CAMKMT: variants seen among roughly 807,000 people sequenced by gnomAD.
CAMKMT encodes CaM KMT.
In CAMKMT, 53 loss-of-function variants were observed where a neutral mutation model predicts 48.0. The ratio of observed to expected loss-of-function variants is 1.10; its 90% CI spans 0.89 to 1.39. The LOEUF (loss-of-function observed/expected upper bound fraction) is 1.39. Ranked by LOEUF, CAMKMT falls within the 40% of genes most tolerant of loss-of-function variation. CAMKMT has a pLI of 0.00. For missense variants in CAMKMT, 428 were observed against 402.7 expected, an observed-to-expected ratio of 1.06 and a Z score of -0.54; for synonymous variants, 165 against 152.3, an observed-to-expected ratio of 1.08 and a Z score of -0.61.
intron 5 of CAMKMT, among the ~76,000 whole-genome samples, chr2:44,706,819 A>C (rs564633608): frequency 6.6e-6 from 1 of 152,182 alleles, no homozygotes; most frequent in African/African-American, 2.4e-5. Flanking sequence ...CTGGGTTCTG[A>C]GTCATGTATT....
At position 44,657,822 on chromosome 2, in the gene CAMKMT, G is replaced by A. The variant is rs1426980861; in HGVS notation, c.377-46461G>A. ...CTAACCAAAGAAGGAAAATGAGATT[G>A]TACCCCTTTAGAGCTGGAGTCCAAA... On this transcript the variant is annotated intron_variant, in intron 3 of 10. Coordinates refer to ENST00000378494, the MANE Select transcript of CAMKMT (RefSeq NM_024766.5). This position sits in a 1 kb window ranked among gnomAD's most constrained non-coding sequence, Gnocchi z 4.3. 6.6e-6 allele frequency among the ~76,000 whole-genome samples: 1 copy of A among 152,148 alleles called. No individual in the cohort carries two copies. The highest frequency in any genetic ancestry group is 1.5e-5 in the Non-Finnish European group (1 of 68,016).
intron 3 of CAMKMT, among the ~76,000 whole-genome samples, chr2:44,451,730 T>G (rs535091545): frequency 4.6e-5 from 7 of 152,074 alleles, no homozygotes; most frequent in Non-Finnish European, 8.8e-5. Flanking sequence ...TGGCTAGATA[T>G]GTGATAAAAC....
chr2:44,671,995 C>T (rs1043635708), intron 3 of CAMKMT, among the ~76,000 whole-genome samples: 2 of 152,020 alleles, frequency 1.3e-5, no homozygotes, highest in African/African-American at 4.8e-5. Context: ...AACTGTAATG[C>T]GATTATAGAA....
At chr2:44,532,205 C>T (rs1666523970) in intron 3 of CAMKMT, among the ~76,000 whole-genome samples, 1 of 152,080 alleles carries the variant, frequency 6.6e-6, no homozygotes, top group African/African-American at 2.4e-5. Context: ...TTTAAAGTGT[C>T]AACAAAAATG....
intron 3 of CAMKMT, among the ~76,000 whole-genome samples, chr2:44,678,632 T>C (rs1477171725): frequency 1.3e-5 from 2 of 152,226 alleles, no homozygotes; most frequent in Non-Finnish European, 2.9e-5. Context: ...AAACGGACAA[T>C]ACTACTCAAT....
chr2:44,373,712 A>G (rs533537087), intron 2 of CAMKMT, among the ~76,000 whole-genome samples: 2 of 152,336 alleles, frequency 1.3e-5, no homozygotes, highest in Admixed American at 1.3e-4. Flanking sequence ...TTCTCGAGCT[A>G]TTTTAGTTTA....
intron 2 of CAMKMT, among the ~76,000 whole-genome samples, chr2:44,374,052 A>C (rs1679436404): frequency 7.8e-6 from 1 of 128,922 alleles, no homozygotes; most frequent in Admixed American, 9.4e-5. Context: ...TGAGCCCGGG[A>C]GGTTGAGGCT....
chr2:44,699,236 C>G (rs1449111995), intron 3 of CAMKMT, among the ~76,000 whole-genome samples: 1 of 152,190 alleles, frequency 6.6e-6, no homozygotes, highest in East Asian at 1.9e-4. Flanking sequence ...TGCTCAGATG[C>G]ATCAGAAGAA....
At chr2:44,521,836 T>C (rs1166052505) in intron 3 of CAMKMT, among the ~76,000 whole-genome samples, 2 of 147,722 alleles carry the variant, frequency 1.4e-5, no homozygotes, top group Admixed American at 6.9e-5. Context: ...GCCTGGGCAA[T>C]AGAGCAAGAT....
chr2:44,437,943 A>C (rs1666381264), intron 3 of CAMKMT, among the ~76,000 whole-genome samples: 1 of 151,972 alleles, frequency 6.6e-6, no homozygotes, highest in Admixed American at 6.6e-5. Context: ...TCCACCAAGT[A>C]ATGTGTGTTT....
chr2:44,605,058 TTCTG>T (rs757225314), intron 3 of CAMKMT, among the ~76,000 whole-genome samples: 2 of 152,300 alleles, frequency 1.3e-5, no homozygotes, highest in East Asian at 3.9e-4. Context: ...TTTTCTCACC[TTCTG>T]TCTGTCTTCC....
chr2:44,417,541 G>A (rs918035885), intron 3 of CAMKMT, among the ~76,000 whole-genome samples: 2 of 152,164 alleles, frequency 1.3e-5, no homozygotes, highest in Admixed American at 6.5e-5. Flanking sequence ...TTGTGTGTGT[G>A]GACATGTGTT....
intron 3 of CAMKMT, among the ~76,000 whole-genome samples, chr2:44,391,584 A>G (rs1391166641): frequency 3.3e-5 from 5 of 152,138 alleles, no homozygotes; most frequent in Non-Finnish European, 4.4e-5. Flanking sequence ...GCTTAAACAT[A>G]TGTAATTTCA....
At chr2:44,479,577 A>G (rs553256924) in intron 3 of CAMKMT, among the ~76,000 whole-genome samples, 117 of 152,312 alleles carry the variant, frequency 7.7e-4, no homozygotes, top group Non-Finnish European at 1.2e-3. Context: ...TTCTGTCCCC[A>G]GTAGAGGGTA....
At position 44,375,864 on chromosome 2, in the gene CAMKMT, CA is replaced by C. The variant is rs774850220; in HGVS notation, c.311+2978del. Among the ~76,000 whole-genome samples, 304 of 152,126 alleles carry C rather than the reference CA, an allele frequency of 2.0e-3. 1 individual carries two copies. Among genetic ancestry groups the C allele is most frequent in the Non-Finnish European group, 3.4e-3 (233 of 67,978 alleles). On this transcript the variant is annotated intron_variant, in intron 2 of 10. Coordinates refer to ENST00000378494, the MANE Select transcript of CAMKMT (RefSeq NM_024766.5). ...GCAGTAGCCCATTCTCAGCTTACTG[CA>C]ACCTTTACCTCCAGGGTTCAAGTGA...
intron 8 of CAMKMT, among the ~76,000 whole-genome samples, chr2:44,752,762 A>G (rs1389866147): frequency 1.3e-5 from 2 of 152,136 alleles, no homozygotes; most frequent in Admixed American, 6.5e-5. Flanking sequence ...TCCTCTGGAG[A>G]AGAAGAACAC....
At chr2:44,474,395 T>TGA (rs889443808) in intron 3 of CAMKMT, among the ~76,000 whole-genome samples, 1 of 145,606 alleles carries the variant, frequency 6.9e-6, no homozygotes, top group African/African-American at 2.6e-5. Flanking sequence ...TGCAGTGGGC[T>TGA]GAGATTGTGC....
At chr2:44,524,552 T>C (rs984899869) in intron 3 of CAMKMT, among the ~76,000 whole-genome samples, 1 of 152,064 alleles carries the variant, frequency 6.6e-6, no homozygotes, top group Non-Finnish European at 1.5e-5. Flanking sequence ...CTTCTTTCCT[T>C]TACCATTCTT....
chr2:44,763,306 G>T (rs1680694718), intron 9 of CAMKMT, among the ~76,000 whole-genome samples: 1 of 152,216 alleles, frequency 6.6e-6, no homozygotes, highest in African/African-American at 2.4e-5. Context: ...TGCACAGAAT[G>T]CTGCTCTCTA....
Sources: allele counts gnomAD v4.1 joint callset (sites outside exome capture counted in the v4.1 genomes callset), GRCh38; gene constraint gnomAD v4.1.1; non-coding constraint Gnocchi (gnomAD v3.1); transcripts MANE v1.5; gene names NCBI Gene and HGNC (gene_info 2026-07-23, HGNC 2026-07-21).